Variants in LRMDA observed in about 807,000 individuals in gnomAD.
LRMDA encodes the protein leucine-rich melanocyte differentiation-associated protein.
In LRMDA, 18 loss-of-function variants were observed where a neutral mutation model predicts 29.8. That is an observed-to-expected ratio of 0.60 (90% CI 0.42 to 0.90). The LOEUF (loss-of-function observed/expected upper bound fraction) is 0.90, where lower values mean the gene tolerates loss of function less well. LRMDA is among the 40% of genes least tolerant of loss of function. The probability of loss-of-function intolerance (pLI) is 0.00; values close to 1 mark genes in which losing one functional copy is unlikely to be tolerated. For synonymous variants in LRMDA, 125 were observed against 109.4 expected, an observed-to-expected ratio of 1.14 and a Z score of -0.89; for missense variants, 273 against 273.9, an observed-to-expected ratio of 1.00 and a Z score of 0.02.
chr10:75,613,379 T>C (rs998572441), intron 2 of LRMDA, among the ~76,000 whole-genome samples: 10 of 152,144 alleles, frequency 6.6e-5, no homozygotes, highest in Admixed American at 6.6e-4. Flanking sequence ...AGGCAATGAG[T>C]GGTGTCCTAA....
In LRMDA at chr10:75,940,790, G is replaced by A. The variant is rs191276001; in HGVS notation, c.132-95218G>A. The stretch of plus-strand genomic sequence containing the variant: ...ATGGGGTGTGTGTGTGTGTGCGCGC[G>A]CGTGTGTGTGTGTTGAGGGGGTGTT... On this transcript the variant is annotated intron_variant, in intron 2 of 6. Transcript: ENST00000611255. Among the ~76,000 whole-genome samples, 498 of 152,116 alleles carry A rather than the reference G, an allele frequency of 3.3e-3. 3 individuals are homozygous for A. The highest frequency in any genetic ancestry group is 0.011 in the African/African-American group (476 of 41,500).
At chr10:76,369,929 G>T (rs945895167) in intron 6 of LRMDA, among the ~76,000 whole-genome samples, 2 of 152,090 alleles carry the variant, frequency 1.3e-5, no homozygotes, top group African/African-American at 4.8e-5. Flanking sequence ...TTTGATTGAA[G>T]AAGTATTGAA....
chr10:75,768,733 G>A (rs1435610961), intron 2 of LRMDA, among the ~76,000 whole-genome samples: 1 of 152,088 alleles, frequency 6.6e-6, no homozygotes, highest in Non-Finnish European at 1.5e-5. Flanking sequence ...TAGCCAGGTG[G>A]CTCTTTGTGG....
At chr10:76,221,898 A>G (rs992281566) in intron 5 of LRMDA, among the ~76,000 whole-genome samples, 1 of 152,086 alleles carries the variant, frequency 6.6e-6, no homozygotes, top group Non-Finnish European at 1.5e-5. Context: ...CCAAAACAGC[A>G]TGGTACTGGT....
In LRMDA at chr10:76,343,975, G is replaced by A. The variant is rs567570729; in HGVS notation, c.601+19490G>A. The stretch of plus-strand genomic sequence containing the variant: ...TGGGATTACAGACCCGTGCCACCAC[G>A]CCTGGCTAATTTTTTTTGGTATTTT... On this transcript the variant is annotated intron_variant, in intron 6 of 6. Coordinates refer to ENST00000611255, the MANE Select transcript of LRMDA (RefSeq NM_001305581.2). Among the ~76,000 whole-genome samples the A allele has an allele frequency of 3.3e-5, 5 of 151,934 alleles. No homozygotes were observed. The South Asian group carries it at 6.3e-4, about 19-fold the overall frequency.
intron 6 of LRMDA, among the ~76,000 whole-genome samples, chr10:76,345,052 C>T (rs1589145077): frequency 7.1e-6 from 1 of 139,902 alleles, no homozygotes; most frequent in South Asian, 2.3e-4. Flanking sequence ...TACACAGGAA[C>T]ACAAAACCTT....
intron 2 of LRMDA, among the ~76,000 whole-genome samples, chr10:75,603,338 A>G (rs992137507): frequency 6.6e-6 from 1 of 152,176 alleles, no homozygotes; most frequent in African/African-American, 2.4e-5. Context: ...TCTGTCAACT[A>G]CAGTTATTGG....
intron 2 of LRMDA, among the ~76,000 whole-genome samples, chr10:75,452,404 G>A (rs1440121805): frequency 6.6e-6 from 1 of 152,052 alleles, no homozygotes; most frequent in African/African-American, 2.4e-5. Context: ...TTGAGACTTG[G>A]GGTCACATCA....
At chr10:76,327,899 A>T (rs1339821207) in intron 6 of LRMDA, among the ~76,000 whole-genome samples, 3 of 152,214 alleles carry the variant, frequency 2.0e-5, no homozygotes, top group Non-Finnish European at 4.4e-5. Flanking sequence ...TAGATAGTTG[A>T]TTATTTTAAT....
At chr10:75,608,129 T>TATATATATATATATATACACACAC (rs11271217) in intron 2 of LRMDA, among the ~76,000 whole-genome samples, 10 of 89,584 alleles carry the variant, frequency 1.1e-4, no homozygotes, top group Non-Finnish European at 2.4e-4. Flanking sequence ...TATATATATA[T>TATATATATATATATATACACACAC]ACACACACAT....
Position 75,672,573 on chromosome 10 carries a change from T to A in LRMDA, c.131+234079T>A, listed in dbSNP as rs79606957. ...CCCCTCCCCTCCCCTCCCCTTCCCT[T>A]CCCTTCCCTTCCCTGCTTTTTTTTT... On this transcript the variant is annotated intron_variant, in intron 2 of 6. Coordinates refer to ENST00000611255, the MANE Select transcript of LRMDA (RefSeq NM_001305581.2). Among the ~76,000 whole-genome samples, 65 of 5,462 alleles carry A rather than the reference T, an allele frequency of 0.012. 14 individuals carry two copies. In the East Asian group the frequency reaches 0.19, roughly 16 times the overall value. 3.6% of individuals were successfully genotyped at this position (5,462 alleles called of 152,430 possible).
intron 2 of LRMDA, among the ~76,000 whole-genome samples, chr10:75,688,773 T>C (rs919146510): frequency 4.6e-5 from 7 of 152,176 alleles, no homozygotes; most frequent in African/African-American, 1.7e-4. Context: ...TGTTAGAAAT[T>C]GCCACAGCCA....
chr10:76,209,832 G>T (rs1448496664), intron 5 of LRMDA, among the ~76,000 whole-genome samples: 1 of 152,180 alleles, frequency 6.6e-6, no homozygotes, highest in African/African-American at 2.4e-5. Context: ...ACACTATCCA[G>T]GGAGAGATGG....
intron 6 of LRMDA, among the ~76,000 whole-genome samples, chr10:76,410,022 G>T: frequency 6.6e-6 from 1 of 152,136 alleles, no homozygotes; most frequent in East Asian, 1.9e-4. Flanking sequence ...CTCGACAACC[G>T]TATCACAACT....
At chr10:76,295,574 G>A (rs936680279) in intron 5 of LRMDA, among the ~76,000 whole-genome samples, 5 of 152,182 alleles carry the variant, frequency 3.3e-5, no homozygotes, top group Non-Finnish European at 5.9e-5. Flanking sequence ...ACCTCTTTGG[G>A]TGTGCCCTCT....
rs1843595695 is a variant in LRMDA at position 76,559,222 on chromosome 10, C to A, written c.*1934C>A. The A allele has an allele frequency of 6.6e-6, 1 of 151,790 alleles. No individual in the cohort carries two copies. Among genetic ancestry groups the A allele is most frequent in the Non-Finnish European group, 1.5e-5 (1 of 68,028 alleles). 9.4% of individuals were successfully genotyped at this position (151,790 alleles called of 1,614,324 possible). On this transcript the variant is annotated 3_prime_UTR_variant, in exon 7 of 7. Coordinates refer to ENST00000611255, the MANE Select transcript of LRMDA (RefSeq NM_001305581.2). ...AATAAAAAAGCACTTGTGAACTGAC[C>A]ACAGAATTTTTCCATCTTTATTTTT...
chr10:75,627,723 G>T (rs993386418), intron 2 of LRMDA, among the ~76,000 whole-genome samples: 1 of 152,126 alleles, frequency 6.6e-6, no homozygotes, highest in Admixed American at 6.5e-5. Context: ...GAAGAAAATC[G>T]CCATCTCTGA....
intron 2 of LRMDA, among the ~76,000 whole-genome samples, chr10:75,500,212 T>A (rs1845096175): frequency 6.6e-6 from 1 of 152,178 alleles, no homozygotes; most frequent in African/African-American, 2.4e-5. Flanking sequence ...CAGACCTTTC[T>A]GAAACACTGC....
At chr10:75,600,176 C>CT (rs11442117) in intron 2 of LRMDA, among the ~76,000 whole-genome samples, 15,970 of 152,078 alleles carry the variant, frequency 0.11, 2,583 homozygotes, top group African/African-American at 0.35. Context: ...CTTTTTCCCC[C>CT]CAAGTAAGTC....
Sources: gnomAD v4.1 joint callset for allele counts (sites outside exome capture counted in the v4.1 genomes callset) on GRCh38, gnomAD v4.1.1 for gene constraint, MANE v1.5 for transcripts, NCBI Gene and HGNC (gene_info 2026-07-23, HGNC 2026-07-21) for gene names.